Variants in MOV10 observed in about 807,000 individuals in gnomAD.
The protein encoded by MOV10 is RNA helicase MOV-10.
In MOV10, 39 loss-of-function variants were observed where a neutral mutation model predicts 108.4. The ratio of observed to expected loss-of-function variants is 0.36; its 90% CI spans 0.28 to 0.47. The LOEUF is 0.47. Among genes scored for constraint, MOV10 ranks in the 20% least tolerant of loss-of-function variants. MOV10 has a pLI of 1.00. For synonymous variants in MOV10, 490 were observed against 523.1 expected, an observed-to-expected ratio of 0.94 and a Z score of 0.86; for missense variants, 952 against 1,297.6, an observed-to-expected ratio of 0.73 and a Z score of 4.09.
chr1:112,689,225 C>T (rs1451964070), intron 3 of MOV10, 87 bp downstream of exon 3: 18 of 1,401,652 alleles, frequency 1.3e-5, no homozygotes, highest in Non-Finnish European at 1.8e-5. Flanking sequence ...GAGTGGGTTA[C>T]ACAAGTGGGA....
chr1:112,700,012 A>C, intron 19 of MOV10, 30 bp downstream of exon 19: 1 of 1,612,814 alleles, frequency 6.2e-7, no homozygotes, highest in Non-Finnish European at 8.5e-7. Flanking sequence ...TCTCCCTCTT[A>C]GTGGCCACAG....
chr1:112,674,603 G>A (rs189735992), upstream of MOV10: 298 of 247,518 alleles, frequency 1.2e-3, 2 homozygotes, highest in Non-Finnish European at 1.6e-3. Context: ...TTCTGATACT[G>A]GCTAGAAGCC....
intron 5 of MOV10, among the ~76,000 whole-genome samples, chr1:112,691,019 C>G (rs939480086): frequency 6.6e-6 from 1 of 152,140 alleles, no homozygotes; most frequent in Non-Finnish European, 1.5e-5. Flanking sequence ...TGGCTCACAC[C>G]TGTAATCCCA....
intron 13 of MOV10, 37 bp downstream of exon 13, chr1:112,696,571 G>C (rs919489917): frequency 1.2e-6 from 2 of 1,611,018 alleles, no homozygotes; most frequent in African/African-American, 2.7e-5. Flanking sequence ...TATACACCCT[G>C]TGTGGGTCAG....
Position 112,689,494 on chromosome 1 carries a change from A to G in MOV10, c.421A>G (p.Ile141Val). 1 of 1,613,378 alleles carries G rather than the reference A, an allele frequency of 6.2e-7. No homozygotes were observed. Among genetic ancestry groups the G allele is most frequent in the Non-Finnish European group, 8.5e-7 (1 of 1,179,818 alleles). ...TGAAGCCCGAGATGGGCAGCTCCTT[A>G]TCCGCCTGGATTTGAACCGCAAAGA... is the stretch of plus-strand genomic sequence containing the variant. The part of the protein sequence containing the change: ...PHEARDGQLL[I>V]RLDLNRKEVL... Residue 141 changes from isoleucine to valine, a missense_variant, in exon 4 of 21, where the codon ATC becomes GTC. Physicochemically the swap from Ile to Val is conservative, Grantham distance 29. Around this residue, in one of 5 missense-constraint regions of MOV10, gnomAD observed 374 missense variants for 468.6 expected, o/e 0.80. Transcript: ENST00000369645.
chr1:112,682,700 A>G (rs1280598547), intron 2 of MOV10, among the ~76,000 whole-genome samples: 4 of 152,204 alleles, frequency 2.6e-5, no homozygotes, highest in African/African-American at 9.6e-5. Flanking sequence ...CCTGTTCTAG[A>G]AATTCATTTA....
At position 112,694,095 on chromosome 1, in the gene MOV10, C is replaced by T. The variant is rs932341076; in HGVS notation, c.1218C>T (p.His406=). 1.9e-6 allele frequency: 3 copies of T among 1,614,042 alleles called. No individual in the cohort carries two copies. Among genetic ancestry groups the T allele is most frequent in the East Asian group, 2.2e-5 (1 of 44,860 alleles). ...HLFALLSSET[H]QEDPITYKGF... is the part of the protein sequence containing the mutation. ...TTGCCCTTTTGTCCTCGGAGACACA[C>T]CAGGAGGACCCCATCACATATAAGG... The change falls in exon 8 of 21, where the codon CAC becomes CAT. Residue 406 remains histidine (H), a synonymous_variant. Coordinates refer to ENST00000369645, the MANE Select transcript of MOV10 (RefSeq NM_001321324.2). This position sits in a 1 kb window ranked among gnomAD's most constrained non-coding sequence, Gnocchi z 4.1.
At chr1:112,696,099 G>A (rs1057487492) in intron 11 of MOV10, 49 bp from the exon 12 acceptor site, 3 of 1,272,450 alleles carry the variant, frequency 2.4e-6, no homozygotes, top group Admixed American at 3.6e-5. Context: ...AATCACGGTG[G>A]GAATGAGTGG....
chr1:112,677,988 A>G (rs1672327558), intron 2 of MOV10, among the ~76,000 whole-genome samples: 1 of 152,124 alleles, frequency 6.6e-6, no homozygotes, highest in African/African-American at 2.4e-5. Context: ...AATATAATCT[A>G]GTAAAGAGCA....
At chr1:112,676,857 G>C (rs537713606) in intron 2 of MOV10, among the ~76,000 whole-genome samples, 1 of 152,206 alleles carries the variant, frequency 6.6e-6, no homozygotes, top group Non-Finnish European at 1.5e-5. Flanking sequence ...GTCAAAAAGA[G>C]GGCTCAGGGG....
intron 2 of MOV10, among the ~76,000 whole-genome samples, chr1:112,680,516 C>T (rs1358699726): frequency 1.3e-5 from 2 of 151,082 alleles, no homozygotes; most frequent in South Asian, 2.1e-4. Flanking sequence ...ATTAGCTGGG[C>T]GTGGTGGCGG....
chr1:112,698,997 A>C (rs1674371986), intron 17 of MOV10: 5 of 580,706 alleles, frequency 8.6e-6, no homozygotes, highest in African/African-American at 1.9e-5. Flanking sequence ...ATGTTTAACA[A>C]ACACCTCCTG....
At position 112,700,468 on chromosome 1, in the gene MOV10, G is replaced by C. The variant is rs1158594088; in HGVS notation, c.2973G>C (p.Leu991=). 1.1e-5 allele frequency: 18 copies of C among 1,613,908 alleles called. No individual in the cohort carries two copies. Among genetic ancestry groups the C allele is most frequent in the Non-Finnish European group, 1.5e-5 (18 of 1,179,928 alleles). Residue 991 remains leucine (L), a synonymous_variant, in exon 21 of 21, where the codon CTG becomes CTC. Coordinates refer to ENST00000369645, the MANE Select transcript of MOV10 (RefSeq NM_001321324.2). ...AGGAGCGGGAGGGTGAAGGGGGCCTGTCTCTGCAAGTGGAGCCAGAGTGGA... is the reference window on the plus strand; with the variant it reads ...AGGAGCGGGAGGGTGAAGGGGGCCTCTCTCTGCAAGTGGAGCCAGAGTGGA... ...LPQEREGEGG[L]SLQVEPEWRN... is the part of the protein sequence containing the mutation.
intron 11 of MOV10, 112 bp downstream of exon 11, chr1:112,695,686 C>T (rs1674006861): frequency 8.0e-7 from 1 of 1,255,452 alleles, no homozygotes; most frequent in African/African-American, 1.5e-5. Flanking sequence ...GCTATGTGAC[C>T]TTGGGTTGGA....
At position 112,695,497 on chromosome 1, in the gene MOV10, C is replaced by T. The variant is rs140221891; in HGVS notation, c.1702C>T (p.Arg568Trp). The T allele has an allele frequency of 3.1e-5, 50 of 1,614,052 alleles. No homozygotes were observed. Among genetic ancestry groups the T allele is most frequent in the Middle Eastern group, 1.6e-4 (1 of 6,084 alleles). The change falls in exon 11 of 21, where the codon CGG becomes TGG. Residue 568 changes from arginine to tryptophan, a missense_variant. Arg to Trp is a moderately radical substitution (Grantham distance 101). This residue lies in a region of MOV10 where 453 missense variants were observed against 611.5 expected (regional missense o/e 0.74). Coordinates refer to ENST00000369645, the MANE Select transcript of MOV10 (RefSeq NM_001321324.2). ...SGADLLCQRL[R>W]VHLPSSIYRL... is the part of the protein sequence containing the mutation. ...GGCTGACCTACTCTGTCAAAGGCTC[C>T]GGGTCCACCTTCCTAGCTCCATCTA... is the stretch of plus-strand genomic sequence containing the variant.
rs747349653 is a variant in MOV10, at chr1:112,694,573, G to C, written c.1416G>C (p.Met472Ile). The change falls in exon 9 of 21, where the codon ATG becomes ATC. Residue 472 changes from methionine to isoleucine, a missense_variant. By Grantham distance (10) the Met-to-Ile change is conservative (BLOSUM62 1). Around this residue, in one of 5 missense-constraint regions of MOV10, gnomAD observed 453 missense variants for 611.5 expected, o/e 0.74. Coordinates refer to ENST00000369645, the MANE Select transcript of MOV10 (RefSeq NM_001321324.2). This position sits in a 1 kb window ranked among gnomAD's most constrained non-coding sequence, Gnocchi z 4.1. Reference sequence around the variant, plus strand: ...CAGGGCGCTGGCTGCTGTGGCCCATGCTCTTTCCTGTGGCACCTCGGGACG... The same window carrying C: ...CAGGGCGCTGGCTGCTGTGGCCCATCCTCTTTCCTGTGGCACCTCGGGACG... ...ELTGRWLLWP[M>I]LFPVAPRDVP... 7 of 1,613,636 alleles carry C rather than the reference G, an allele frequency of 4.3e-6. No homozygotes were observed. In the Admixed American group the frequency reaches 1.2e-4, roughly 27 times the overall value.
intron 5 of MOV10, among the ~76,000 whole-genome samples, chr1:112,691,019 C>A (rs939480086): frequency 6.6e-6 from 1 of 152,140 alleles, no homozygotes; most frequent in African/African-American, 2.4e-5. Flanking sequence ...TGGCTCACAC[C>A]TGTAATCCCA....
At chr1:112,698,223 T>C (rs923049523) in intron 15 of MOV10, 64 bp from the exon 16 acceptor site, 2 of 1,601,414 alleles carry the variant, frequency 1.2e-6, no homozygotes, top group African/African-American at 1.3e-5. Context: ...CTGGAAGGGT[T>C]TGGGAAGGGA....
At position 112,674,927 on chromosome 1, in the gene MOV10, C is replaced by A; in HGVS notation, c.15C>A (p.Phe5Leu). The A allele has an allele frequency of 6.3e-7, 1 of 1,584,730 alleles. No individual in the cohort carries two copies. MPSK[F>L]SCRQLREAGQ... The stretch of plus-strand genomic sequence containing the variant: ...CCGCCGCCGCGATGCCCAGTAAGTT[C>A]AGCTGCCGGCAGCTCCGGGAGGCGG... The change falls in exon 2 of 21, where the codon TTC becomes TTA. Residue 5 changes from phenylalanine (F) to leucine (L), a missense_variant. Physicochemically the swap from Phe to Leu is conservative, Grantham distance 22. This residue lies in a region of MOV10 where 374 missense variants were observed against 468.6 expected (regional missense o/e 0.80). Coordinates refer to ENST00000369645, the MANE Select transcript of MOV10 (RefSeq NM_001321324.2).
Sources: allele counts gnomAD v4.1 joint callset (sites outside exome capture counted in the v4.1 genomes callset), GRCh38; gene constraint gnomAD v4.1.1; regional missense constraint gnomAD v4.1.1; non-coding constraint Gnocchi (gnomAD v3.1); transcripts MANE v1.5; gene names NCBI Gene and HGNC (gene_info 2026-07-23, HGNC 2026-07-21).